The following XYLT1 variants were observed in gnomAD, a reference collection of about 807,000 sequenced individuals.
The protein encoded by XYLT1 is xylosyltransferase 1.
XYLT1 carries 36 observed loss-of-function variants against 91.3 expected under a neutral mutation model. That is an observed-to-expected ratio of 0.39 (90% CI 0.30 to 0.52). The LOEUF is 0.52. XYLT1 is among the 20% of genes least tolerant of loss of function. The pLI is 0.68. For synonymous variants in XYLT1, 588 were observed against 532.0 expected, an observed-to-expected ratio of 1.11 and a Z score of -1.45; for missense variants, 1,242 against 1,284.5, an observed-to-expected ratio of 0.97 and a Z score of 0.51.
At chr16:17,233,400 C>T (rs574737272) in intron 3 of XYLT1, among the ~76,000 whole-genome samples, 36 of 152,330 alleles carry the variant, frequency 2.4e-4, no homozygotes, top group African/African-American at 7.5e-4. Flanking sequence ...CCTGGTTTCC[C>T]GCTGCAAGCT....
chr16:17,194,788 G>A (rs2032391267), intron 5 of XYLT1, among the ~76,000 whole-genome samples: 1 of 152,234 alleles, frequency 6.6e-6, no homozygotes, highest in East Asian at 1.9e-4. Context: ...TTCATCACAT[G>A]ACATTGGGCC....
At chr16:17,141,665 A>G (rs1208345558) in intron 6 of XYLT1, among the ~76,000 whole-genome samples, 1 of 152,204 alleles carries the variant, frequency 6.6e-6, no homozygotes, top group Admixed American at 6.5e-5. Context: ...GACAGTGATC[A>G]TCTGCTACAG....
chr16:17,379,792 C>T (rs944745613), intron 1 of XYLT1, among the ~76,000 whole-genome samples: 23 of 151,634 alleles, frequency 1.5e-4, no homozygotes, highest in Non-Finnish European at 3.4e-4. Flanking sequence ...CACACACACA[C>T]ACCCCTTACC....
At chr16:17,256,820 T>C (rs1416053453) in intron 3 of XYLT1, among the ~76,000 whole-genome samples, 1 of 152,236 alleles carries the variant, frequency 6.6e-6, no homozygotes, top group East Asian at 1.9e-4. Context: ...CTTGCATGGC[T>C]CCCGGATGCA....
intron 6 of XYLT1, among the ~76,000 whole-genome samples, chr16:17,149,132 G>A (rs143646334): frequency 6.6e-6 from 1 of 152,300 alleles, no homozygotes; most frequent in East Asian, 1.9e-4. Flanking sequence ...TCTCCCCCAT[G>A]GGAGAAGAAG....
At chr16:17,138,079 T>A (rs550988551) in intron 8 of XYLT1, among the ~76,000 whole-genome samples, 62 of 152,292 alleles carry the variant, frequency 4.1e-4, no homozygotes, top group African/African-American at 1.3e-3. Context: ...TTTTTTAACC[T>A]TTCTGTGCCT....
At chr16:17,141,103 G>T in intron 7 of XYLT1, 50 bp downstream of exon 7, 1 of 1,581,470 alleles carries the variant, frequency 6.3e-7, no homozygotes, top group Non-Finnish European at 8.7e-7. Context: ...TTGCCACAAA[G>T]GCTAGAACAA....
rs548764047 is a variant in XYLT1, at chr16:17,303,580, G to C, written c.403-44082C>G. ...ACTGGCATAAGAGGGCCATTGTGAGGGTTCTAGGAAAAGCTCTAAGAAATA... is the reference window on the plus strand; with the variant it reads ...ACTGGCATAAGAGGGCCATTGTGAGCGTTCTAGGAAAAGCTCTAAGAAATA... On this transcript the variant is annotated intron_variant, in intron 2 of 11. Transcript: ENST00000261381. Among the ~76,000 whole-genome samples the C allele has an allele frequency of 3.9e-5, 6 of 152,286 alleles. No homozygotes were observed. In the South Asian group the frequency reaches 6.2e-4, roughly 16 times the overall value.
intron 11 of XYLT1, among the ~76,000 whole-genome samples, chr16:17,115,341 G>A (rs1052468700): frequency 6.0e-5 from 7 of 115,820 alleles, no homozygotes; most frequent in South Asian, 5.7e-4. Flanking sequence ...AAAAAAAGCC[G>A]GGCATGGTGG....
intron 1 of XYLT1, among the ~76,000 whole-genome samples, chr16:17,450,585 C>A (rs758018565): frequency 2.0e-5 from 3 of 152,136 alleles, no homozygotes; most frequent in Non-Finnish European, 2.9e-5. Flanking sequence ...ACAAGGGACC[C>A]AGAATCCCTC....
chr16:17,457,512 A>C (rs1486385326), intron 1 of XYLT1, among the ~76,000 whole-genome samples: 1 of 152,256 alleles, frequency 6.6e-6, no homozygotes, highest in Non-Finnish European at 1.5e-5. Context: ...CCAGTCTTTC[A>C]CTGAACATCC....
intron 2 of XYLT1, among the ~76,000 whole-genome samples, chr16:17,289,853 C>A (rs1052595018): frequency 6.6e-6 from 1 of 152,186 alleles, no homozygotes. Flanking sequence ...TTCATGATCC[C>A]ACACACCCCG....
chr16:17,406,951 C>T (rs771120848), intron 1 of XYLT1, among the ~76,000 whole-genome samples: 2 of 152,054 alleles, frequency 1.3e-5, no homozygotes, highest in East Asian at 1.9e-4. Context: ...TATGGTCTTT[C>T]GAAAGTCACC....
chr16:17,399,047 A>G (rs917520151), intron 1 of XYLT1, among the ~76,000 whole-genome samples: 4 of 151,852 alleles, frequency 2.6e-5, no homozygotes, highest in African/African-American at 9.7e-5. Context: ...CACCAGTCAT[A>G]TTAGCTTAGG....
At chr16:17,315,462 A>G (rs190312250) in intron 2 of XYLT1, among the ~76,000 whole-genome samples, 2 of 152,266 alleles carry the variant, frequency 1.3e-5, no homozygotes, top group Non-Finnish European at 2.9e-5. Flanking sequence ...CTAACTCTCA[A>G]TTCTAGAATC....
intron 6 of XYLT1, 124 bp from the exon 7 acceptor site, chr16:17,141,493 G>C (rs1048004927): frequency 2.6e-5 from 24 of 930,218 alleles, no homozygotes; most frequent in Admixed American, 9.9e-5. Context: ...CTGTGTGCCA[G>C]GTACTGCTCC....
intron 2 of XYLT1, among the ~76,000 whole-genome samples, chr16:17,321,887 C>A (rs1485050549): frequency 1.3e-5 from 2 of 152,190 alleles, no homozygotes; most frequent in Admixed American, 1.3e-4. Context: ...TTGGCAAACC[C>A]TGCTGCGGAG....
rs989254538 is a variant in XYLT1 at position 17,318,104 on chromosome 16, G to A, written c.402+39908C>T. ...TCATCTGTGTCTTCTTGCTAAGGTCGGTGAAGCTGAGACCTTGGATTTTCA... is the reference window on the plus strand; with the variant it reads ...TCATCTGTGTCTTCTTGCTAAGGTCAGTGAAGCTGAGACCTTGGATTTTCA... On this transcript the variant is annotated intron_variant, in intron 2 of 11. Transcript: ENST00000261381. 5.3e-5 allele frequency among the ~76,000 whole-genome samples: 8 copies of A among 152,166 alleles called. 1 individual carries two copies. Among genetic ancestry groups the A allele is most frequent in the Admixed American group, 4.6e-4 (7 of 15,274 alleles).
chr16:17,117,900 C>T lies in XYLT1; in HGVS notation c.2303G>A (p.Gly768Asp). The change falls in exon 11 of 12, where the codon GGT becomes GAT. Residue 768 changes from glycine (G) to aspartate (D), a missense_variant. Around this residue, in one of 3 missense-constraint regions of XYLT1, gnomAD observed 511 missense variants for 497.0 expected, o/e 1.03. Coordinates refer to ENST00000261381, the MANE Select transcript of XYLT1 (RefSeq NM_022166.4). ...GLLGPMDEPV[G>D]MQKWGKGPNV... Reference sequence around the variant, plus strand: ...AGGTCCCTTCCCCCACTTCTGCATACCCACCGGCTCATCCATGGGCCCCAG... The same window carrying T: ...AGGTCCCTTCCCCCACTTCTGCATATCCACCGGCTCATCCATGGGCCCCAG... 2 of 1,614,114 alleles carry T rather than the reference C, an allele frequency of 1.2e-6. No homozygotes were observed. Among genetic ancestry groups the T allele is most frequent in the South Asian group, 2.2e-5 (2 of 91,074 alleles).
Sources: gnomAD v4.1 joint callset for allele counts (sites outside exome capture counted in the v4.1 genomes callset) on GRCh38, gnomAD v4.1.1 for gene constraint, gnomAD v4.1.1 regional missense constraint, MANE v1.5 for transcripts, NCBI Gene and HGNC (gene_info 2026-07-23, HGNC 2026-07-21) for gene names.